FTO: variants seen among roughly 807,000 people sequenced by gnomAD.
The protein encoded by FTO is alpha-ketoglutarate-dependent dioxygenase FTO.
In FTO, 47 loss-of-function variants were observed where a neutral mutation model predicts 63.9. The observed-to-expected ratio is 0.74, with a 90% confidence interval of 0.58 to 0.94. The LOEUF (loss-of-function observed/expected upper bound fraction) is 0.94, where lower values mean the gene tolerates loss of function less well. Among genes scored for constraint, FTO ranks in the 40% least tolerant of loss-of-function variants. The pLI is 0.00. For synonymous variants in FTO, 207 were observed against 224.4 expected, an observed-to-expected ratio of 0.92 and a Z score of 0.69; for missense variants, 562 against 618.1, an observed-to-expected ratio of 0.91 and a Z score of 0.96.
rs557243189 is a variant in FTO at position 53,766,662 on chromosome 16, G to C, written c.46-43478G>C. Among the ~76,000 whole-genome samples, 8 of 152,322 alleles carry C rather than the reference G, an allele frequency of 5.3e-5. No homozygotes were observed. The South Asian group carries it at 1.5e-3, about 28-fold the overall frequency. ...CCAAGGGACCATCAAAGAGGCTGTT[G>C]TGGAGAGGGAATCCGAAGGTCAGGG... On this transcript the variant is annotated intron_variant, in intron 1 of 8. Coordinates refer to ENST00000471389, the MANE Select transcript of FTO (RefSeq NM_001080432.3).
chr16:53,756,446 C>T (rs978146036), intron 1 of FTO, among the ~76,000 whole-genome samples: 3 of 152,112 alleles, frequency 2.0e-5, no homozygotes, highest in African/African-American at 7.2e-5. Context: ...GCTTTTGGGC[C>T]CCTTGCATCA....
chr16:53,782,939 A>G (rs1264932036), intron 1 of FTO, among the ~76,000 whole-genome samples: 1 of 152,204 alleles, frequency 6.6e-6, no homozygotes, highest in Non-Finnish European at 1.5e-5. Context: ...CCTTGTGTGT[A>G]GTAGGTGTGT....
At chr16:53,704,649 G>A (rs1971893348) in intron 1 of FTO, among the ~76,000 whole-genome samples, 1 of 152,116 alleles carries the variant, frequency 6.6e-6, no homozygotes, top group Non-Finnish European at 1.5e-5. Context: ...AATTGTCTCC[G>A]TGACCGGCTG....
Position 53,798,158 on chromosome 16 carries a change from A to G in FTO, c.46-11982A>G, listed in dbSNP as rs187859626. 2.6e-5 allele frequency among the ~76,000 whole-genome samples: 4 copies of G among 152,206 alleles called. No individual in the cohort carries two copies. The East Asian group carries it at 7.7e-4, about 29-fold the overall frequency. Reference sequence around the variant, plus strand: ...TGTGGACCTCTATTTTGTTCCATTTATCTGTTTGTTTAGTATTATATCAAT... The same window carrying G: ...TGTGGACCTCTATTTTGTTCCATTTGTCTGTTTGTTTAGTATTATATCAAT... On this transcript the variant is annotated intron_variant, in intron 1 of 8. Coordinates refer to ENST00000471389, the MANE Select transcript of FTO (RefSeq NM_001080432.3).
At chr16:53,725,686 T>C (rs1331977667) in intron 1 of FTO, among the ~76,000 whole-genome samples, 1 of 152,220 alleles carries the variant, frequency 6.6e-6, no homozygotes, top group Non-Finnish European at 1.5e-5. Flanking sequence ...GTCTTGGCTT[T>C]GTTCCTTGTA....
At position 53,760,770 on chromosome 16, in the gene FTO, G is replaced by A. The variant is rs143252232; in HGVS notation, c.46-49370G>A. On this transcript the variant is annotated intron_variant, in intron 1 of 8. Transcript: ENST00000471389. ...GCCTCCCAAATAGCTAGGATTACAG[G>A]TATGCACCGCTATGCCCAGCTAGTT... is the stretch of plus-strand genomic sequence containing the variant. 7.6e-3 allele frequency among the ~76,000 whole-genome samples: 1,161 copies of A among 151,864 alleles called. 14 individuals carry two copies. Among genetic ancestry groups the A allele is most frequent in the East Asian group, 0.039 (200 of 5,134 alleles).
At chr16:53,913,909 G>T (rs1446123281) in intron 7 of FTO, among the ~76,000 whole-genome samples, 1 of 151,840 alleles carries the variant, frequency 6.6e-6, no homozygotes, top group East Asian at 1.9e-4. Context: ...AACCCTGGGG[G>T]CGGAGGCTGC....
intron 1 of FTO, among the ~76,000 whole-genome samples, chr16:53,728,522 A>G (rs887959108): frequency 6.6e-5 from 10 of 152,320 alleles, no homozygotes; most frequent in African/African-American, 9.6e-5. Context: ...CATGAACTAG[A>G]TAGGTATCAT....
intron 3 of FTO, among the ~76,000 whole-genome samples, chr16:53,834,223 A>G (rs1374230215): frequency 6.6e-6 from 1 of 151,930 alleles, no homozygotes; most frequent in African/African-American, 2.4e-5. Flanking sequence ...GTGGAGTTTT[A>G]CCATGTTAGC....
chr16:54,057,980 T>C (rs2085477383), intron 8 of FTO, among the ~76,000 whole-genome samples: 1 of 152,162 alleles, frequency 6.6e-6, no homozygotes, highest in Non-Finnish European at 1.5e-5. Context: ...TCATGGCTGA[T>C]TCTTTAGAAG....
intron 8 of FTO, among the ~76,000 whole-genome samples, chr16:54,089,648 T>G (rs1159543766): frequency 6.6e-6 from 1 of 152,172 alleles, no homozygotes; most frequent in Admixed American, 6.5e-5. Context: ...GATAAAAGTT[T>G]AATGTCCAGA....
At chr16:53,710,135 A>G (rs2075730452) in intron 1 of FTO, among the ~76,000 whole-genome samples, 1 of 151,346 alleles carries the variant, frequency 6.6e-6, no homozygotes, top group Admixed American at 6.6e-5. Context: ...TTTTCTTTCA[A>G]GACATTGACA....
intron 2 of FTO, among the ~76,000 whole-genome samples, chr16:53,812,333 C>T (rs1461740614): frequency 1.3e-5 from 2 of 149,818 alleles, no homozygotes; most frequent in South Asian, 2.1e-4. Flanking sequence ...TGCAGTGGCG[C>T]GATCTGAGCT....
chr16:53,844,088 A>G lies in FTO; in HGVS notation c.752-67A>G. 1 of 1,234,466 alleles carries G rather than the reference A, an allele frequency of 8.1e-7. No homozygotes were observed. Among genetic ancestry groups the G allele is most frequent in the Non-Finnish European group, 1.2e-6 (1 of 851,900 alleles). The allele number at this position is 1,234,466 out of a possible 1,614,324, so 76.5% of individuals were successfully genotyped here. ...TAAAATATCAATTCTTTCTAAAATA[A>G]CAATTATAAAATTCAGAAGCTTAGA... is the stretch of plus-strand genomic sequence containing the variant. On this transcript the variant is annotated intron_variant, in intron 3 of 8. Coordinates refer to ENST00000471389, the MANE Select transcript of FTO (RefSeq NM_001080432.3).
intron 7 of FTO, among the ~76,000 whole-genome samples, chr16:53,906,972 C>T (rs2081554320): frequency 1.3e-5 from 2 of 152,266 alleles, no homozygotes; most frequent in South Asian, 4.1e-4. Context: ...TCTCCTGCTA[C>T]CAGCCTTCCT....
chr16:54,057,167 G>A (rs917893964), intron 8 of FTO, among the ~76,000 whole-genome samples: 25 of 152,186 alleles, frequency 1.6e-4, no homozygotes, highest in African/African-American at 6.0e-4. Context: ...ACCCTCCCCA[G>A]ACACACATAC....
At chr16:53,907,362 G>A (rs2081565629) in intron 7 of FTO, among the ~76,000 whole-genome samples, 1 of 152,260 alleles carries the variant, frequency 6.6e-6, no homozygotes, top group East Asian at 1.9e-4. Context: ...ATTGAATACA[G>A]TACACTGTAG....
intron 8 of FTO, among the ~76,000 whole-genome samples, chr16:54,093,588 G>A (rs1385527486): frequency 2.0e-5 from 3 of 152,094 alleles, no homozygotes; most frequent in East Asian, 1.9e-4. Context: ...TCCATTAATC[G>A]GCCTGTTTGC....
chr16:53,717,062 G>A (rs1489442976), intron 1 of FTO, among the ~76,000 whole-genome samples: 1 of 151,218 alleles, frequency 6.6e-6, no homozygotes, highest in African/African-American at 2.4e-5. Flanking sequence ...GTATTTTATG[G>A]ATTTTTTTCC....
Sources: gnomAD v4.1 joint callset for allele counts (sites outside exome capture counted in the v4.1 genomes callset) on GRCh38, gnomAD v4.1.1 for gene constraint, MANE v1.5 for transcripts, NCBI Gene and HGNC (gene_info 2026-07-23, HGNC 2026-07-21) for gene names.